The following PLEKHM3 variants were observed in gnomAD, a reference collection of about 807,000 sequenced individuals.
PLEKHM3 encodes the protein pleckstrin homology domain-containing family M member 3.
Under a neutral mutation model 81.8 loss-of-function variants are expected in PLEKHM3, and 45 were observed. The ratio of observed to expected loss-of-function variants is 0.55; its 90% confidence interval spans 0.43 to 0.71. PLEKHM3 has a LOEUF of 0.71. PLEKHM3 is among the 30% of genes least tolerant of loss of function. The pLI, the probability that PLEKHM3 is intolerant of heterozygous loss-of-function variation, is 0.00. For synonymous variants in PLEKHM3, 352 were observed against 356.4 expected, an observed-to-expected ratio of 0.99 and a Z score of 0.14; for missense variants, 788 against 924.3, an observed-to-expected ratio of 0.85 and a Z score of 1.91.
rs1051061658 is a variant in PLEKHM3 at position 207,911,632 on chromosome 2, T to G, written c.1887-3055A>C. Among the ~76,000 whole-genome samples, 3 of 152,270 alleles carry G rather than the reference T, an allele frequency of 2.0e-5. No homozygotes were observed. The East Asian group carries it at 5.8e-4, about 29-fold the overall frequency. On this transcript the variant is annotated intron_variant, in intron 5 of 7. Transcript: ENST00000427836. ...TGATAATATGAGAGACAGAGGATGT[T>G]TAGGGGTGACTAAACTGAAGGAATA...
intron 1 of PLEKHM3, among the ~76,000 whole-genome samples, chr2:208,019,126 C>G (rs1041362384): frequency 7.1e-6 from 1 of 140,178 alleles, no homozygotes; most frequent in South Asian, 2.3e-4. Context: ...ATAGTGAGAC[C>G]CCCATCTCTA....
At chr2:207,904,065 A>G (rs1429769353) in intron 6 of PLEKHM3, among the ~76,000 whole-genome samples, 6 of 152,188 alleles carry the variant, frequency 3.9e-5, no homozygotes, top group Non-Finnish European at 1.5e-5. Flanking sequence ...GTGCACCAAT[A>G]CTAGTCCATG....
chr2:207,988,205 A>C (rs1426507026), intron 2 of PLEKHM3, among the ~76,000 whole-genome samples: 1 of 152,140 alleles, frequency 6.6e-6, no homozygotes, highest in Non-Finnish European at 1.5e-5. Flanking sequence ...TATATATAAG[A>C]TGCTTGGCTT....
At chr2:207,884,298 C>T (rs1381653086) in intron 6 of PLEKHM3, among the ~76,000 whole-genome samples, 1 of 152,144 alleles carries the variant, frequency 6.6e-6, no homozygotes, top group African/African-American at 2.4e-5. Flanking sequence ...TGTCTGCTCT[C>T]ACCACATCTA....
intron 3 of PLEKHM3, among the ~76,000 whole-genome samples, chr2:207,946,829 T>C (rs1279909293): frequency 6.6e-6 from 1 of 152,212 alleles, no homozygotes; most frequent in African/African-American, 2.4e-5. Context: ...ATCTCCTCAC[T>C]GCCCTGCTCA....
intron 5 of PLEKHM3, among the ~76,000 whole-genome samples, chr2:207,926,199 A>G (rs1192159519): frequency 6.6e-6 from 1 of 152,182 alleles, no homozygotes; most frequent in Non-Finnish European, 1.5e-5. Context: ...TCTCTGCTAC[A>G]CAGAATGAGG....
chr2:207,874,178 C>T (rs1002697144), intron 6 of PLEKHM3, among the ~76,000 whole-genome samples: 5 of 152,090 alleles, frequency 3.3e-5, no homozygotes, highest in Admixed American at 6.5e-5. Context: ...ATTTGCTATA[C>T]AATAAAGGTG....
intron 7 of PLEKHM3, 101 bp from the exon 8 acceptor site, chr2:207,828,597 G>T: frequency 8.8e-7 from 1 of 1,134,028 alleles, no homozygotes; most frequent in South Asian, 1.5e-5. Flanking sequence ...ACAATCTACT[G>T]TTCTGGACAA....
intron 6 of PLEKHM3, chr2:207,901,249 G>A (rs1376477181): frequency 4.3e-6 from 3 of 702,832 alleles, no homozygotes; most frequent in East Asian, 2.7e-5. Flanking sequence ...CCCGTGCCGA[G>A]CTCCCCCGAT....
intron 6 of PLEKHM3, among the ~76,000 whole-genome samples, chr2:207,869,274 CTATT>C (rs2092519597): frequency 6.6e-6 from 1 of 152,170 alleles, no homozygotes; most frequent in African/African-American, 2.4e-5. Flanking sequence ...TTAGTTATCT[CTATT>C]TATTCCCTCA....
chr2:207,959,153 C>T (rs143380563), intron 3 of PLEKHM3, among the ~76,000 whole-genome samples: 1 of 152,176 alleles, frequency 6.6e-6, no homozygotes, highest in African/African-American at 2.4e-5. Flanking sequence ...TCAGCACTTC[C>T]TTAAATTCTG....
chr2:207,949,000 A>G (rs1226663837), intron 3 of PLEKHM3, among the ~76,000 whole-genome samples: 1 of 152,132 alleles, frequency 6.6e-6, no homozygotes, highest in Admixed American at 6.5e-5. Flanking sequence ...TATCCTCAGC[A>G]CTTAATACAG....
At chr2:207,902,855 CCCAT>C (rs150435261) in intron 6 of PLEKHM3, among the ~76,000 whole-genome samples, 1 of 131,562 alleles carries the variant, frequency 7.6e-6, no homozygotes, top group Non-Finnish European at 1.6e-5. Context: ...CATCCACCCA[CCCAT>C]CCATCCATCC....
chr2:207,884,286 G>T (rs374398228), intron 6 of PLEKHM3, among the ~76,000 whole-genome samples: 1 of 152,102 alleles, frequency 6.6e-6, no homozygotes, highest in Non-Finnish European at 1.5e-5. Flanking sequence ...AACTAGATAC[G>T]ATGTCTGCTC....
At chr2:207,930,607 A>G (rs2046078) in intron 5 of PLEKHM3, among the ~76,000 whole-genome samples, 41,536 of 152,090 alleles carry the variant, frequency 0.27, 5,997 homozygotes, top group Middle Eastern at 0.36. Flanking sequence ...TGACCAATAT[A>G]GATATTTCCA....
At chr2:207,961,239 T>G (rs1690721817) in intron 3 of PLEKHM3, among the ~76,000 whole-genome samples, 1 of 152,194 alleles carries the variant, frequency 6.6e-6, no homozygotes, top group Non-Finnish European at 1.5e-5. Context: ...TCTTTATTGA[T>G]GAAGATGGAG....
chr2:207,948,349 C>CTTTTTT lies in PLEKHM3; in HGVS notation c.1547-1843_1547-1838dup. 1.2e-3 allele frequency among the ~76,000 whole-genome samples: 95 copies of CTTTTTT among 81,072 alleles called. 4 individuals carry two copies. The highest frequency in any genetic ancestry group is 2.3e-3 in the African/African-American group (42 of 18,342). The allele number at this position is 81,072 out of a possible 152,430, so 53.2% of individuals were successfully genotyped here. A position where few individuals can be genotyped will look rare whatever the true frequency, so the allele number is the denominator to read the frequency against. ...GGACCACACTAGAAACTCCTCAGATCTTTTTTTTTTTTTTTTTTTTTTTTG... is the reference window on the plus strand; with the variant it reads ...GGACCACACTAGAAACTCCTCAGATCTTTTTTTTTTTTTTTTTTTTTTTTTTTTTTG... On this transcript the variant is annotated intron_variant, in intron 3 of 7. Transcript: ENST00000427836.
chr2:207,869,743 T>C (rs2092522540), intron 6 of PLEKHM3: 1 of 152,160 alleles, frequency 6.6e-6, no homozygotes, highest in Admixed American at 6.5e-5. Flanking sequence ...CTTCTAGAAC[T>C]CAAGGAACTG....
chr2:207,967,713 C>T (rs917614984), intron 3 of PLEKHM3, among the ~76,000 whole-genome samples: 2 of 152,192 alleles, frequency 1.3e-5, no homozygotes, highest in Admixed American at 6.5e-5. Flanking sequence ...ATAATAACAG[C>T]TAGCCTCATA....
Sources: allele counts gnomAD v4.1 joint callset (sites outside exome capture counted in the v4.1 genomes callset), GRCh38; gene constraint gnomAD v4.1.1; transcripts MANE v1.5; gene names NCBI Gene and HGNC (gene_info 2026-07-23, HGNC 2026-07-21).